ZNF609: variants seen among roughly 807,000 people sequenced by gnomAD.
ZNF609 encodes the protein zinc finger protein 609.
Under a neutral mutation model 109.5 loss-of-function variants are expected in ZNF609, and 11 were observed. The ratio of observed to expected loss-of-function variants is 0.10; its 90% CI spans 0.06 to 0.17. The LOEUF is 0.17. Ranked by LOEUF, ZNF609 falls within the 10% of genes least tolerant of loss-of-function variation. ZNF609 has a pLI of 1.00. For missense variants in ZNF609, 1,559 were observed against 1,772.4 expected, an observed-to-expected ratio of 0.88 and a Z score of 2.16; for synonymous variants, 646 against 662.0, an observed-to-expected ratio of 0.98 and a Z score of 0.37.
intron 3 of ZNF609, among the ~76,000 whole-genome samples, chr15:64,633,793 A>G (rs1480801363): frequency 6.6e-6 from 1 of 151,862 alleles, no homozygotes; most frequent in Non-Finnish European, 1.5e-5. Context: ...AGGCAGGAGA[A>G]TCGCTTGAAC....
chr15:64,624,409 C>T (rs904611810), intron 3 of ZNF609, among the ~76,000 whole-genome samples: 2 of 152,044 alleles, frequency 1.3e-5, no homozygotes, highest in Admixed American at 6.6e-5. Flanking sequence ...CAGACATATC[C>T]GGACCATATC....
intron 2 of ZNF609, among the ~76,000 whole-genome samples, chr15:64,534,170 C>T (rs1894102362): frequency 6.6e-6 from 1 of 151,724 alleles, no homozygotes. Context: ...CACTGCCACA[C>T]CCGGCTAATT....
intron 2 of ZNF609, among the ~76,000 whole-genome samples, chr15:64,594,392 G>A (rs1271601837): frequency 6.6e-6 from 1 of 151,736 alleles, no homozygotes; most frequent in East Asian, 1.9e-4. Context: ...GAGTGCAGTG[G>A]TGTGATCTCA....
rs535630110 is a variant in ZNF609 at position 64,670,803 on chromosome 15, A to C, written c.1061+370A>C. Among the ~76,000 whole-genome samples, 3 of 149,740 alleles carry C rather than the reference A, an allele frequency of 2.0e-5. No homozygotes were observed. The Admixed American group carries it at 2.0e-4, about 10-fold the overall frequency. On this transcript the variant is annotated intron_variant, in intron 4 of 9. Coordinates refer to ENST00000326648, the MANE Select transcript of ZNF609 (RefSeq NM_015042.2). ...TGAGGCAGGAGAATCGCTTGAACCC[A>C]GGAGGCAGAGGTTGTGGTGAGCCAA...
intron 2 of ZNF609, among the ~76,000 whole-genome samples, chr15:64,592,264 C>T (rs550880122): frequency 1.4e-4 from 21 of 152,046 alleles, no homozygotes; most frequent in African/African-American, 4.3e-4. Context: ...TTAAATGAAT[C>T]GTGGTTGGTT....
intron 1 of ZNF609, among the ~76,000 whole-genome samples, chr15:64,466,768 C>T (rs1433418783): frequency 1.3e-5 from 2 of 152,150 alleles, no homozygotes; most frequent in Non-Finnish European, 2.9e-5. Flanking sequence ...TTATGCTTTC[C>T]TAGCACTCTC....
Position 64,629,567 on chromosome 15 carries a change from G to T in ZNF609, c.973+6515G>T, listed in dbSNP as rs1896031992. Among the ~76,000 whole-genome samples the T allele has an allele frequency of 3.3e-5, 5 of 152,094 alleles. No individual in the cohort carries two copies. In the South Asian group the frequency reaches 1.0e-3, roughly 32 times the overall value. ...CTTTCCAGTCTTGAAAGAAAAGGAA[G>T]GTAGAAGAGAAAAAGCACCTGCCTC... On this transcript the variant is annotated intron_variant, in intron 3 of 9. Coordinates refer to ENST00000326648, the MANE Select transcript of ZNF609 (RefSeq NM_015042.2).
intron 2 of ZNF609, among the ~76,000 whole-genome samples, chr15:64,573,010 G>A (rs1894882647): frequency 6.6e-6 from 1 of 152,190 alleles, no homozygotes; most frequent in African/African-American, 2.4e-5. Flanking sequence ...GCCTCCTCTT[G>A]CCTCCTCAGC....
chr15:64,570,473 G>A (rs1894843567), intron 2 of ZNF609, among the ~76,000 whole-genome samples: 1 of 152,176 alleles, frequency 6.6e-6, no homozygotes, highest in African/African-American at 2.4e-5. Context: ...GATTCTTAAG[G>A]AAGAGTAGCA....
intron 2 of ZNF609, among the ~76,000 whole-genome samples, chr15:64,540,758 G>T (rs985093256): frequency 6.6e-6 from 1 of 151,564 alleles, no homozygotes; most frequent in Admixed American, 6.6e-5. Context: ...GGCTGGGCGC[G>T]GTGGCTCACG....
chr15:64,684,020 T>C lies in ZNF609; in HGVS notation c.*2334T>C, dbSNP rs919229254. The stretch of plus-strand genomic sequence containing the variant: ...TAAACATTTGGCTCTTTGATCCTCA[T>C]ATCCAAGTCTCCCCTGAAGAGTAGG... On this transcript the variant is annotated 3_prime_UTR_variant, in exon 10 of 10. Transcript: ENST00000326648. 3 of 152,232 alleles carry C rather than the reference T, an allele frequency of 2.0e-5. No homozygotes were observed. The highest frequency in any genetic ancestry group is 7.2e-5 in the African/African-American group (3 of 41,454). 9.4% of individuals were successfully genotyped at this position (152,232 alleles called of 1,614,324 possible). A position where few individuals can be genotyped will look rare whatever the true frequency, so the allele number is the denominator to read the frequency against.
At chr15:64,656,214 C>T (rs960891741) in intron 3 of ZNF609, among the ~76,000 whole-genome samples, 5 of 152,070 alleles carry the variant, frequency 3.3e-5, no homozygotes, top group Admixed American at 3.3e-4. Context: ...CAAGCACCCA[C>T]CATCACACCC....
chr15:64,575,618 G>T (rs1038864135), intron 2 of ZNF609, among the ~76,000 whole-genome samples: 5 of 152,024 alleles, frequency 3.3e-5, no homozygotes, highest in African/African-American at 1.2e-4. Context: ...CTTATTCATG[G>T]TTTTGGTTTT....
intron 2 of ZNF609, chr15:64,500,396 T>C (rs1247691344): frequency 1.4e-6 from 1 of 740,058 alleles, no homozygotes; most frequent in Non-Finnish European, 2.4e-6. Context: ...TATTTGTTGT[T>C]GGGGGCAGCT....
intron 2 of ZNF609, among the ~76,000 whole-genome samples, chr15:64,564,942 G>A (rs1169644358): frequency 6.6e-6 from 1 of 151,742 alleles, no homozygotes; most frequent in Admixed American, 6.6e-5. Flanking sequence ...CCACCTCCCA[G>A]GTTCACGCCA....
rs779545164 is a variant in ZNF609 at position 64,674,118 on chromosome 15, C to A, written c.1264C>A (p.Pro422Thr). The A allele has an allele frequency of 6.8e-6, 11 of 1,614,084 alleles. No individual in the cohort carries two copies. Among genetic ancestry groups the A allele is most frequent in the Middle Eastern group, 3.3e-4 (2 of 6,084 alleles). Reference sequence around the variant, plus strand: ...CCAGAATTCTTCAGAGCACCGCCCACCTGCCAGCAGCACTTCTGAGGATGT... The same window carrying A: ...CCAGAATTCTTCAGAGCACCGCCCAACTGCCAGCAGCACTTCTGAGGATGT... Reference protein sequence around the residue: ...GSQNSSEHRPPASSTSEDVKA... With the variant: ...GSQNSSEHRPTASSTSEDVKA... The change falls in exon 5 of 10, where the codon CCT becomes ACT. Residue 422 changes from proline (P) to threonine (T), a missense_variant. By Grantham distance (38) the Pro-to-Thr change is conservative. Transcript: ENST00000326648.
At chr15:64,631,619 G>T (rs183815425) in intron 3 of ZNF609, 248 of 363,280 alleles carry the variant, frequency 6.8e-4, no homozygotes, top group Non-Finnish European at 1.1e-3. Context: ...CACAATCTCC[G>T]CCTCCTGGGT....
chr15:64,544,009 A>C (rs1047393516), intron 2 of ZNF609, among the ~76,000 whole-genome samples: 1 of 152,072 alleles, frequency 6.6e-6, no homozygotes, highest in African/African-American at 2.4e-5. Flanking sequence ...ACTCTCATTT[A>C]TGTTAAAAAG....
chr15:64,607,013 A>G (rs1289899669), intron 2 of ZNF609, among the ~76,000 whole-genome samples: 3 of 151,952 alleles, frequency 2.0e-5, no homozygotes, highest in African/African-American at 7.3e-5. Flanking sequence ...GCGTGGTGGC[A>G]CATGCCTGTA....
Sources: gnomAD v4.1 joint callset for allele counts (sites outside exome capture counted in the v4.1 genomes callset) on GRCh38, gnomAD v4.1.1 for gene constraint, MANE v1.5 for transcripts, NCBI Gene and HGNC (gene_info 2026-07-23, HGNC 2026-07-21) for gene names.